Variants in ZNF521 observed in about 807,000 individuals in gnomAD.
ZNF521 encodes the protein zinc finger protein 521.
Under a neutral mutation model 105.5 loss-of-function variants are expected in ZNF521, and 14 were observed. The ratio of observed to expected loss-of-function variants is 0.13; its 90% confidence interval spans 0.09 to 0.21. ZNF521 has a LOEUF of 0.21. Among genes scored for constraint, ZNF521 ranks in the 10% least tolerant of loss-of-function variants. The pLI is 1.00. For synonymous variants in ZNF521, 635 were observed against 606.0 expected, an observed-to-expected ratio of 1.05 and a Z score of -0.70; for missense variants, 1,233 against 1,629.7, an observed-to-expected ratio of 0.76 and a Z score of 4.19.
chr18:25,113,185 G>A (rs141434672), intron 5 of ZNF521, among the ~76,000 whole-genome samples: 231 of 152,166 alleles, frequency 1.5e-3, no homozygotes, highest in Non-Finnish European at 2.5e-3. Context: ...TCATCCCCAA[G>A]GTGATTGAGT....
At chr18:25,105,842 T>C (rs928291034) in intron 5 of ZNF521, among the ~76,000 whole-genome samples, 3 of 152,206 alleles carry the variant, frequency 2.0e-5, no homozygotes, top group East Asian at 1.9e-4. Flanking sequence ...CCCAGGAAGA[T>C]AGGAGATCAT....
chr18:25,104,877 C>A (rs188367923), intron 5 of ZNF521, among the ~76,000 whole-genome samples: 44 of 151,926 alleles, frequency 2.9e-4, no homozygotes, highest in Admixed American at 2.8e-3. Context: ...TATTTTCAGC[C>A]AATTGCAATA....
chr18:25,113,255 AG>A (rs1421759423), intron 5 of ZNF521, among the ~76,000 whole-genome samples: 1 of 152,076 alleles, frequency 6.6e-6, no homozygotes, highest in East Asian at 1.9e-4. Flanking sequence ...TCCACCAGGG[AG>A]CCCAGCCTAG....
chr18:25,332,222 A>G (rs1378216075), intron 2 of ZNF521, among the ~76,000 whole-genome samples: 1 of 151,976 alleles, frequency 6.6e-6, no homozygotes, highest in Non-Finnish European at 1.5e-5. Flanking sequence ...GATCCCACTT[A>G]GGAAGATAAG....
intron 3 of ZNF521, among the ~76,000 whole-genome samples, chr18:25,268,557 G>A (rs564604663): frequency 7.2e-5 from 11 of 152,360 alleles, no homozygotes; most frequent in South Asian, 2.1e-4. Context: ...ACAAAGGGAA[G>A]CCCATCAGAC....
At chr18:25,257,736 G>A (rs1908618464) in intron 3 of ZNF521, among the ~76,000 whole-genome samples, 1 of 152,140 alleles carries the variant, frequency 6.6e-6, no homozygotes, top group Non-Finnish European at 1.5e-5. Context: ...AGTATCAAAT[G>A]CATATTTTCA....
chr18:25,291,944 A>T (rs868081649), intron 3 of ZNF521, among the ~76,000 whole-genome samples: 14 of 152,302 alleles, frequency 9.2e-5, no homozygotes, highest in African/African-American at 2.9e-4. Context: ...GAAAAAAAAA[A>T]ATCATCTTTT....
intron 3 of ZNF521, among the ~76,000 whole-genome samples, chr18:25,260,888 C>A (rs1168124386): frequency 6.6e-6 from 1 of 152,140 alleles, no homozygotes; most frequent in African/African-American, 2.4e-5. Context: ...CAGAGTTCAA[C>A]TAAAATGTAA....
intron 5 of ZNF521, among the ~76,000 whole-genome samples, chr18:25,145,534 A>G (rs1392909997): frequency 6.6e-6 from 1 of 152,142 alleles, no homozygotes; most frequent in Non-Finnish European, 1.5e-5. Context: ...CACTTCATCC[A>G]TATTTGAGTG....
At position 25,224,411 on chromosome 18, in the gene ZNF521, G is replaced by T; in HGVS notation, c.3507C>A (p.Asn1169Lys). Reference protein sequence around the residue: ...TIHRELVPDSNSTQLKTPQVS... With the variant: ...TIHRELVPDSKSTQLKTPQVS... ...CTTGGGGCGTTTTCAACTGTGTGCT[G>T]TTGCTGTCTGGCACGAGCTCTCGGT... The change falls in exon 4 of 8, where the codon AAC becomes AAA. Residue 1169 changes from asparagine to lysine, a missense_variant. Coordinates refer to ENST00000361524, the MANE Select transcript of ZNF521 (RefSeq NM_015461.3). 2 of 1,614,012 alleles carry T rather than the reference G, an allele frequency of 1.2e-6. No homozygotes were observed. Among genetic ancestry groups the T allele is most frequent in the South Asian group, 2.2e-5 (2 of 91,078 alleles).
At chr18:25,066,836 G>A (rs1011457030) in intron 7 of ZNF521, among the ~76,000 whole-genome samples, 3 of 152,140 alleles carry the variant, frequency 2.0e-5, no homozygotes, top group Admixed American at 6.6e-5. Flanking sequence ...AGCTCTTTAG[G>A]TCCAGAGGAA....
At chr18:25,258,503 C>G (rs1425941964) in intron 3 of ZNF521, among the ~76,000 whole-genome samples, 1 of 152,076 alleles carries the variant, frequency 6.6e-6, no homozygotes, top group African/African-American at 2.4e-5. Context: ...GGTTTTATAT[C>G]AAGAAAAAAT....
intron 5 of ZNF521, among the ~76,000 whole-genome samples, chr18:25,110,515 T>C (rs907796537): frequency 1.3e-5 from 2 of 152,006 alleles, no homozygotes; most frequent in Admixed American, 1.3e-4. Flanking sequence ...CGCAGGGTTA[T>C]AAGGGATTTC....
chr18:25,074,534 C>G (rs867904176), intron 7 of ZNF521, among the ~76,000 whole-genome samples: 1 of 152,112 alleles, frequency 6.6e-6, no homozygotes, highest in African/African-American at 2.4e-5. Flanking sequence ...AAAATCATCC[C>G]GGTTTATTAG....
chr18:25,137,764 G>A (rs538522791), intron 5 of ZNF521, among the ~76,000 whole-genome samples: 4 of 152,238 alleles, frequency 2.6e-5, no homozygotes, highest in Admixed American at 6.5e-5. Context: ...CGAGTCCAAC[G>A]CCTTCATTTA....
At chr18:25,201,993 G>T (rs2036001604) in intron 4 of ZNF521, 1 of 152,052 alleles carries the variant, frequency 6.6e-6, no homozygotes, top group South Asian at 2.1e-4. Flanking sequence ...TTTACTAAAG[G>T]TACTATTTAC....
In ZNF521 at chr18:25,201,789, C is replaced by G. The variant is rs1196166944; in HGVS notation, c.3574-6545G>C. On this transcript the variant is annotated intron_variant, in intron 4 of 7. Coordinates refer to ENST00000361524, the MANE Select transcript of ZNF521 (RefSeq NM_015461.3). ...ATCTCTAGATTTTCTTTCTGTAATA[C>G]TAACTTGCTGTATAGTTAGTTGTGT... 3 of 152,286 alleles carry G rather than the reference C, an allele frequency of 2.0e-5. No individual in the cohort carries two copies. The East Asian group carries it at 5.8e-4, about 29-fold the overall frequency. 9.4% of individuals were successfully genotyped at this position (152,286 alleles called of 1,614,324 possible). A position where few individuals can be genotyped will look rare whatever the true frequency, so the allele number is the denominator to read the frequency against.
chr18:25,266,648 C>T (rs1366479601), intron 3 of ZNF521, among the ~76,000 whole-genome samples: 2 of 151,974 alleles, frequency 1.3e-5, no homozygotes, highest in East Asian at 1.9e-4. Flanking sequence ...TGCAAGGGGT[C>T]GGGGGATTTC....
intron 5 of ZNF521, among the ~76,000 whole-genome samples, chr18:25,171,528 C>G (rs907365669): frequency 6.6e-6 from 1 of 152,094 alleles, no homozygotes; most frequent in Non-Finnish European, 1.5e-5. Flanking sequence ...GATTTATAAT[C>G]TTTTCCAAAA....
Sources: gnomAD v4.1 joint callset for allele counts (sites outside exome capture counted in the v4.1 genomes callset) on GRCh38, gnomAD v4.1.1 for gene constraint, MANE v1.5 for transcripts, NCBI Gene and HGNC (gene_info 2026-07-23, HGNC 2026-07-21) for gene names.